The following ATRNL1 variants were observed in gnomAD, a reference collection of about 807,000 sequenced individuals.
ATRNL1 encodes attractin-like protein 1.
Under a neutral mutation model 182.7 loss-of-function variants are expected in ATRNL1, and 95 were observed. The ratio of observed to expected loss-of-function variants is 0.52; its 90% CI spans 0.44 to 0.62. The LOEUF is 0.62. Ranked by LOEUF, ATRNL1 falls within the 20% of genes least tolerant of loss-of-function variation. ATRNL1 has a pLI of 0.00. For synonymous variants in ATRNL1, 576 were observed against 568.3 expected, an observed-to-expected ratio of 1.01 and a Z score of -0.19; for missense variants, 1,471 against 1,679.5, an observed-to-expected ratio of 0.88 and a Z score of 2.17.
chr10:115,366,691 G>T (rs1857062142), intron 19 of ATRNL1, among the ~76,000 whole-genome samples: 1 of 151,564 alleles, frequency 6.6e-6, no homozygotes, highest in Non-Finnish European at 1.5e-5. Context: ...GCTTCCTTCA[G>T]GAGCTCTTTT....
chr10:115,219,286 C>T (rs1005397352), intron 9 of ATRNL1, among the ~76,000 whole-genome samples: 2 of 151,846 alleles, frequency 1.3e-5, no homozygotes, highest in African/African-American at 2.4e-5. Flanking sequence ...CACCCATCTC[C>T]TCACAGAGCT....
intron 26 of ATRNL1, among the ~76,000 whole-genome samples, chr10:115,699,496 A>G (rs1555050846): frequency 6.6e-6 from 1 of 152,168 alleles, no homozygotes; most frequent in African/African-American, 2.4e-5. Context: ...ACAAACTCAC[A>G]TAGAATTAAA....
At chr10:115,385,779 G>C (rs1554952447) in intron 19 of ATRNL1, among the ~76,000 whole-genome samples, 1 of 151,976 alleles carries the variant, frequency 6.6e-6, no homozygotes. Flanking sequence ...TTCTCTTCCA[G>C]ATGTCCAGTT....
intron 26 of ATRNL1, among the ~76,000 whole-genome samples, chr10:115,659,977 T>G (rs1477877569): frequency 2.0e-5 from 3 of 152,156 alleles, no homozygotes; most frequent in Admixed American, 6.6e-5. Context: ...CTAAGAAGTT[T>G]ACCTTTATTC....
At chr10:115,729,951 G>C (rs1206558527) in intron 27 of ATRNL1, among the ~76,000 whole-genome samples, 2 of 151,794 alleles carry the variant, frequency 1.3e-5, no homozygotes, top group African/African-American at 4.8e-5. Context: ...CTCTCTAAAA[G>C]ATTTTTTTCA....
intron 19 of ATRNL1, among the ~76,000 whole-genome samples, chr10:115,359,984 A>G (rs903530149): frequency 6.6e-6 from 1 of 151,654 alleles, no homozygotes; most frequent in Admixed American, 6.6e-5. Context: ...CTGGAATTTC[A>G]AAGTAGTATA....
chr10:115,313,046 C>T (rs1592428868), intron 17 of ATRNL1, among the ~76,000 whole-genome samples: 1 of 151,640 alleles, frequency 6.6e-6, no homozygotes, highest in Admixed American at 6.6e-5. Context: ...TGTTTTTTTA[C>T]ATTTTCTTAT....
chr10:115,137,389 C>G (rs1179316518), intron 5 of ATRNL1, among the ~76,000 whole-genome samples: 1 of 152,250 alleles, frequency 6.6e-6, no homozygotes, highest in African/African-American at 2.4e-5. Flanking sequence ...TACCAAATTT[C>G]TCATGCTGCC....
In ATRNL1 at chr10:115,394,642, T is replaced by C; in HGVS notation, c.3176-17T>C. On this transcript the variant is annotated splice_polypyrimidine_tract_variant and intron_variant, in intron 19 of 28. Transcript: ENST00000355044. The stretch of plus-strand genomic sequence containing the variant: ...GTGATGTAGAATATTCAATATCATT[T>C]TGGTTTTGACTTACAGCTTGTACAT... 6.4e-7 allele frequency: 1 copy of C among 1,568,282 alleles called. No homozygotes were observed. The highest frequency in any genetic ancestry group is 1.1e-5 in the South Asian group (1 of 90,090).
chr10:115,652,206 C>T (rs1318176407), intron 26 of ATRNL1, among the ~76,000 whole-genome samples: 1 of 151,406 alleles, frequency 6.6e-6, no homozygotes, highest in Non-Finnish European at 1.5e-5. Flanking sequence ...AACATACCTG[C>T]CAGAAATCAG....
At chr10:115,583,071 T>G (rs1373859532) in intron 26 of ATRNL1, among the ~76,000 whole-genome samples, 1 of 150,478 alleles carries the variant, frequency 6.6e-6, no homozygotes, top group Non-Finnish European at 1.5e-5. Context: ...TGTGGCATTA[T>G]TTCTGAGGGC....
intron 17 of ATRNL1, among the ~76,000 whole-genome samples, chr10:115,313,568 T>G (rs2134009326): frequency 6.6e-6 from 1 of 152,296 alleles, no homozygotes; most frequent in African/African-American, 2.4e-5. Context: ...ATTTATTTAT[T>G]TATTTATTCT....
At chr10:115,217,521 T>C (rs1479405296) in intron 9 of ATRNL1, among the ~76,000 whole-genome samples, 1 of 152,144 alleles carries the variant, frequency 6.6e-6, no homozygotes, top group Non-Finnish European at 1.5e-5. Context: ...TGAAAGTGAA[T>C]GGATAAGAGA....
intron 28 of ATRNL1, among the ~76,000 whole-genome samples, chr10:115,939,015 A>G (rs1555123531): frequency 6.6e-6 from 1 of 152,230 alleles, no homozygotes; most frequent in Admixed American, 6.5e-5. Context: ...TAACATTCTC[A>G]CCACAAAAAA....
chr10:115,319,608 T>C (rs1038599326), intron 18 of ATRNL1, among the ~76,000 whole-genome samples: 7 of 152,230 alleles, frequency 4.6e-5, no homozygotes, highest in African/African-American at 1.7e-4. Context: ...TTAACTCTTC[T>C]TGTTGAATTG....
intron 19 of ATRNL1, among the ~76,000 whole-genome samples, chr10:115,382,630 T>G (rs1294127940): frequency 2.6e-5 from 4 of 151,792 alleles, no homozygotes; most frequent in African/African-American, 9.7e-5. Flanking sequence ...TCATGTCATA[T>G]GTGAGTCGTA....
chr10:115,117,182 T>C (rs1340338463), intron 1 of ATRNL1, among the ~76,000 whole-genome samples: 1 of 152,132 alleles, frequency 6.6e-6, no homozygotes, highest in Non-Finnish European at 1.5e-5. Flanking sequence ...ATCTCAAGCA[T>C]GTATCCTTTG....
intron 26 of ATRNL1, among the ~76,000 whole-genome samples, chr10:115,632,502 T>A (rs887448570): frequency 1.3e-5 from 2 of 152,138 alleles, no homozygotes; most frequent in African/African-American, 4.8e-5. Context: ...TGGTTTATAG[T>A]TTTAAAGAAT....
At chr10:115,181,570 G>A (rs571033156) in intron 8 of ATRNL1, among the ~76,000 whole-genome samples, 43 of 151,724 alleles carry the variant, frequency 2.8e-4, no homozygotes, top group African/African-American at 1.0e-3. Flanking sequence ...GATACACTGT[G>A]GAATTTAAAT....
Sources: allele counts gnomAD v4.1 joint callset (sites outside exome capture counted in the v4.1 genomes callset), GRCh38; gene constraint gnomAD v4.1.1; transcripts MANE v1.5; gene names NCBI Gene and HGNC (gene_info 2026-07-23, HGNC 2026-07-21).